The following ERICH3 variants were observed in gnomAD, a reference collection of about 807,000 sequenced individuals.
The protein encoded by ERICH3 is glutamate-rich protein 3.
A neutral mutation model predicts 131.1 loss-of-function variants in ERICH3; 126 were observed. That is an observed-to-expected ratio of 0.96 (90% CI 0.83 to 1.11). ERICH3 has a LOEUF of 1.11. ERICH3 is among the 50% of genes most tolerant of loss of function. ERICH3 has a pLI of 0.00. For synonymous variants in ERICH3, 695 were observed against 644.6 expected, an observed-to-expected ratio of 1.08 and a Z score of -1.18; for missense variants, 2,050 against 1,810.7, an observed-to-expected ratio of 1.13 and a Z score of -2.40.
chr1:74,575,620 T>G (rs991567472), intron 13 of ERICH3, among the ~76,000 whole-genome samples: 9 of 152,240 alleles, frequency 5.9e-5, no homozygotes, highest in East Asian at 1.9e-4. Context: ...GCTATTCAAA[T>G]TCCTGCATGA....
chr1:74,572,758 T>C lies in ERICH3; in HGVS notation c.2952A>G (p.Arg984=), dbSNP rs376019638. 4.3e-6 allele frequency: 7 copies of C among 1,613,794 alleles called. No individual in the cohort carries two copies. Among genetic ancestry groups the C allele is most frequent in the Middle Eastern group, 1.6e-4 (1 of 6,082 alleles). Residue 984 remains arginine, a synonymous_variant, in exon 14 of 15, where the codon AGA becomes AGG. Coordinates refer to ENST00000326665, the MANE Select transcript of ERICH3 (RefSeq NM_001002912.5). ...ILGGEEPAKE[R]KEVMRTETRL... ...GTGTTTCTGTTCTCATAACCTCTTT[T>C]CTCTCTTTGGCTGGTTCCTCTCCCC...
Position 74,599,927 on chromosome 1 carries a change from A to G in ERICH3, c.1494T>C (p.Tyr498=), listed in dbSNP as rs774911593. 3 of 1,598,698 alleles carry G rather than the reference A, an allele frequency of 1.9e-6. No homozygotes were observed. The highest frequency in any genetic ancestry group is 2.6e-6 in the Non-Finnish European group (3 of 1,172,470). The part of the protein sequence containing the change: ...DDQENTLKYE[Y]EEDFEVDEEK... ...CCTCATCTACTTCAAAGTCTTCTTC[A>G]TACTCTGAAATAGGAAAATCTCCAC... Residue 498 remains tyrosine (Y), a synonymous_variant, in exon 11 of 15, where the codon TAT becomes TAC. Coordinates refer to ENST00000326665, the MANE Select transcript of ERICH3 (RefSeq NM_001002912.5).
At chr1:74,590,220 T>A in intron 11 of ERICH3, 140 bp from the exon 12 acceptor site, 1 of 781,148 alleles carries the variant, frequency 1.3e-6, no homozygotes, top group Non-Finnish European at 1.9e-6. Context: ...TCCCATATAG[T>A]CTACTCAGTG....
At chr1:74,655,430 TG>T (rs1347773353) in intron 1 of ERICH3, among the ~76,000 whole-genome samples, 1 of 152,166 alleles carries the variant, frequency 6.6e-6, no homozygotes, top group Non-Finnish European at 1.5e-5. Flanking sequence ...TTCAATATTC[TG>T]GAGGCTGCCT....
intron 6 of ERICH3, chr1:74,634,533 G>A: frequency 1.7e-6 from 1 of 601,998 alleles, no homozygotes; most frequent in South Asian, 2.2e-5. Flanking sequence ...TCACATTAAA[G>A]GAAAAAAAAA....
chr1:74,614,537 C>A (rs926002830), intron 8 of ERICH3, among the ~76,000 whole-genome samples: 3 of 151,338 alleles, frequency 2.0e-5, no homozygotes, highest in Admixed American at 2.0e-4. Context: ...ATTAGCCGGG[C>A]GTGGTAGCGG....
chr1:74,616,152 C>T (rs1648953384), intron 8 of ERICH3, among the ~76,000 whole-genome samples: 1 of 152,008 alleles, frequency 6.6e-6, no homozygotes, highest in African/African-American at 2.4e-5. Flanking sequence ...CAGGCACACA[C>T]CACCATGGCC....
In ERICH3 at chr1:74,572,179, T is replaced by C. The variant is rs114509310; in HGVS notation, c.3531A>G (p.Gly1177=). The part of the protein sequence containing the change: ...LENITALRKE[G]GGERLSEARD... ...TGGCTTCACTCAGTCTTTCCCCTCC[T>C]CCTTCTTTCCTCAGAGCTGTTATGT... The change falls in exon 14 of 15, where the codon GGA becomes GGG. Residue 1177 remains glycine, a synonymous_variant. Coordinates refer to ENST00000326665, the MANE Select transcript of ERICH3 (RefSeq NM_001002912.5). 1,731 of 1,613,970 alleles carry C rather than the reference T, an allele frequency of 1.1e-3. 29 individuals are homozygous for C. In the African/African-American group the frequency reaches 0.02, roughly 19 times the overall value.
At chr1:74,657,197 C>T (rs143096345) in intron 1 of ERICH3, among the ~76,000 whole-genome samples, 11 of 152,216 alleles carry the variant, frequency 7.2e-5, no homozygotes, top group African/African-American at 2.2e-4. Flanking sequence ...CATGAGTGAT[C>T]GTACTAACAA....
intron 10 of ERICH3, among the ~76,000 whole-genome samples, chr1:74,601,345 A>G (rs1648121653): frequency 6.6e-6 from 1 of 151,894 alleles, no homozygotes; most frequent in Non-Finnish European, 1.5e-5. Flanking sequence ...TAAAATTGCA[A>G]GACAGAAGAC....
At chr1:74,637,139 G>A (rs1412053353) in intron 5 of ERICH3, among the ~76,000 whole-genome samples, 1 of 152,048 alleles carries the variant, frequency 6.6e-6, no homozygotes, top group Non-Finnish European at 1.5e-5. Context: ...CTCCTTTCGG[G>A]ACTACACCCA....
rs528682924 is a variant in ERICH3 at position 74,649,348 on chromosome 1, A to G, written c.24-33T>C. The G allele has an allele frequency of 6.5e-6, 10 of 1,545,228 alleles. No individual in the cohort carries two copies. The African/African-American group carries it at 1.1e-4, about 17-fold the overall frequency. On this transcript the variant is annotated intron_variant, in intron 1 of 14. Coordinates refer to ENST00000326665, the MANE Select transcript of ERICH3 (RefSeq NM_001002912.5). ...ACAAAAATAAAACCAATAAGCTTTTACAAGGGGTTGTTTGATAACCAAGGC... is the reference window on the plus strand; with the variant it reads ...ACAAAAATAAAACCAATAAGCTTTTGCAAGGGGTTGTTTGATAACCAAGGC...
At chr1:74,665,509 T>C (rs1160033196) in intron 1 of ERICH3, among the ~76,000 whole-genome samples, 4 of 152,160 alleles carry the variant, frequency 2.6e-5, no homozygotes, top group African/African-American at 9.7e-5. Context: ...CAGGTTGCGT[T>C]AGTTTGGTAG....
chr1:74,670,773 T>C (rs1035719490), intron 1 of ERICH3, among the ~76,000 whole-genome samples: 2 of 152,172 alleles, frequency 1.3e-5, no homozygotes, highest in Non-Finnish European at 2.9e-5. Flanking sequence ...TCTGACTGCC[T>C]GTGGGGTTGG....
chr1:74,648,472 C>T (rs576332389), intron 2 of ERICH3, among the ~76,000 whole-genome samples: 14 of 152,192 alleles, frequency 9.2e-5, no homozygotes, highest in South Asian at 4.2e-4. Flanking sequence ...TGTCTGATAA[C>T]GAATCCTCAG....
chr1:74,657,465 AT>A (rs758930755), intron 1 of ERICH3, among the ~76,000 whole-genome samples: 1 of 152,174 alleles, frequency 6.6e-6, no homozygotes, highest in Non-Finnish European at 1.5e-5. Flanking sequence ...ATAGGGGGTG[AT>A]TAAACTGATA....
intron 3 of ERICH3, among the ~76,000 whole-genome samples, chr1:74,646,131 A>T (rs2100639189): frequency 6.6e-6 from 1 of 152,178 alleles, no homozygotes; most frequent in South Asian, 2.1e-4. Flanking sequence ...ATCTATGTTG[A>T]CCAGAGTGGC....
intron 1 of ERICH3, among the ~76,000 whole-genome samples, chr1:74,671,580 T>G (rs888519097): frequency 6.6e-6 from 1 of 152,166 alleles, no homozygotes; most frequent in Non-Finnish European, 1.5e-5. Context: ...GAATCTATGT[T>G]GAAATATTGG....
intron 10 of ERICH3, among the ~76,000 whole-genome samples, chr1:74,600,909 G>T (rs1029554920): frequency 6.6e-6 from 1 of 151,576 alleles, no homozygotes; most frequent in African/African-American, 2.4e-5. Context: ...CTCTGTGGGG[G>T]AGGGGGGCCT....
Sources: gnomAD v4.1 joint callset for allele counts (sites outside exome capture counted in the v4.1 genomes callset) on GRCh38, gnomAD v4.1.1 for gene constraint, MANE v1.5 for transcripts, NCBI Gene and HGNC (gene_info 2026-07-23, HGNC 2026-07-21) for gene names.